The following DNAJA3 variants were observed in gnomAD, a reference collection of about 807,000 sequenced individuals.
DNAJA3 encodes the protein DnaJ heat shock protein family (Hsp40) member A3.
A neutral mutation model predicts 54.9 loss-of-function variants in DNAJA3; 29 were observed. The observed-to-expected ratio is 0.53, with a 90% CI of 0.39 to 0.72. The LOEUF (loss-of-function observed/expected upper bound fraction) is 0.72. DNAJA3 is among the 30% of genes least tolerant of loss of function. The probability of loss-of-function intolerance (pLI) is 0.00; values close to 1 mark genes in which losing one functional copy is unlikely to be tolerated. For missense variants in DNAJA3, 708 were observed against 639.4 expected (o/e 1.11, Z -1.16); for synonymous variants, 302 against 251.4 (o/e 1.20, Z -1.90).
In DNAJA3 at chr16:4,454,945, GT is replaced by G. The variant is rs760959702; in HGVS notation, c.*13+26del. 25 of 1,546,432 alleles carry G rather than the reference GT, an allele frequency of 1.6e-5. No homozygotes were observed. Among genetic ancestry groups the G allele is most frequent in the African/African-American group, 1.1e-4 (8 of 73,340 alleles). On this transcript the variant is annotated intron_variant, in intron 11 of 11. Coordinates refer to ENST00000262375, the MANE Select transcript of DNAJA3 (RefSeq NM_005147.6). ...CAGCCGAGGTAGGAAAACCCTGGAG[GT>G]TTTTTTTCCCTTTGTTTTCCTCTGT...
chr16:4,435,165 G>A (rs1332450030), intron 2 of DNAJA3, among the ~76,000 whole-genome samples: 1 of 152,050 alleles, frequency 6.6e-6, no homozygotes, highest in South Asian at 2.1e-4. Flanking sequence ...CTCCCAAAGT[G>A]CTGGGATTAC....
chr16:4,454,970 G>A, intron 11 of DNAJA3, 43 bp downstream of exon 11: 1 of 1,347,582 alleles, frequency 7.4e-7, no homozygotes, highest in Non-Finnish European at 1.1e-6. Flanking sequence ...GTTTTCCTCT[G>A]TGAACTAATC....
chr16:4,436,628 T>C lies in DNAJA3; in HGVS notation c.346-774T>C, dbSNP rs141139104. On this transcript the variant is annotated intron_variant, in intron 2 of 11. Coordinates refer to ENST00000262375, the MANE Select transcript of DNAJA3 (RefSeq NM_005147.6). ...TTGGCTCACTGCAACCTCTGTCTCC[T>C]GGGCTCAAGCAATTCTCCTGCCTCA... is the stretch of plus-strand genomic sequence containing the variant. 8.4e-3 allele frequency among the ~76,000 whole-genome samples: 1,278 copies of C among 151,614 alleles called. 25 individuals carry two copies. Among genetic ancestry groups the C allele is most frequent in the African/African-American group, 0.028 (1,154 of 41,330 alleles).
chr16:4,443,730 A>G (rs61645723), intron 6 of DNAJA3, among the ~76,000 whole-genome samples: 4 of 150,662 alleles, frequency 2.7e-5, no homozygotes, highest in Non-Finnish European at 5.9e-5. Flanking sequence ...TCTGTCACCC[A>G]GGCTGGAGCG....
At chr16:4,435,298 A>G (rs762515037) in intron 2 of DNAJA3, among the ~76,000 whole-genome samples, 55 of 152,196 alleles carry the variant, frequency 3.6e-4, no homozygotes, top group Non-Finnish European at 6.5e-4. Context: ...TGTCTACACC[A>G]CTGGTTCCTA....
chr16:4,438,318 A>G (rs2056797152), intron 3 of DNAJA3, among the ~76,000 whole-genome samples: 1 of 147,664 alleles, frequency 6.8e-6, no homozygotes, highest in Non-Finnish European at 1.5e-5. Context: ...CCCCGTCTCA[A>G]AAAAAAAAAA....
chr16:4,448,223 C>T (rs2056927919), intron 8 of DNAJA3, among the ~76,000 whole-genome samples: 1 of 151,574 alleles, frequency 6.6e-6, no homozygotes, highest in Non-Finnish European at 1.5e-5. Flanking sequence ...GATGGGGTTT[C>T]ACCATGTTGG....
At chr16:4,426,446 G>C (rs1391911329) in intron 1 of DNAJA3, among the ~76,000 whole-genome samples, 2 of 152,200 alleles carry the variant, frequency 1.3e-5, no homozygotes, top group African/African-American at 4.8e-5. Context: ...GCCATTCGGA[G>C]AGGCCTAGGT....
chr16:4,448,967 A>C (rs1320786318), intron 9 of DNAJA3, 119 bp downstream of exon 9: 1 of 698,630 alleles, frequency 1.4e-6, no homozygotes, highest in Admixed American at 2.5e-5. Flanking sequence ...TGCCCGAGTT[A>C]TCTGTCTGTA....
intron 1 of DNAJA3, among the ~76,000 whole-genome samples, chr16:4,429,867 A>G (rs2056673816): frequency 6.6e-6 from 1 of 151,918 alleles, no homozygotes; most frequent in African/African-American, 2.4e-5. Flanking sequence ...TATGGTGGCA[A>G]CTGCCTGTAC....
At chr16:4,435,158 C>T (rs899893532) in intron 2 of DNAJA3, among the ~76,000 whole-genome samples, 1 of 151,964 alleles carries the variant, frequency 6.6e-6, no homozygotes, top group Non-Finnish European at 1.5e-5. Context: ...CCTCAGCCTC[C>T]CAAAGTGCTG....
intron 6 of DNAJA3, 137 bp downstream of exon 6, chr16:4,443,301 TGAGGCCCTGGAGCCCCAGGCTGGAG>T (rs1402025662): frequency 5.3e-6 from 6 of 1,132,512 alleles, no homozygotes; most frequent in Non-Finnish European, 7.3e-6. Flanking sequence ...AAGTTATGGT[TGAGGCCCTGGAGCCCCAGGCTGGAG>T]GAGGAACTGG....
chr16:4,454,552 C>A (rs1454455318), intron 10 of DNAJA3, among the ~76,000 whole-genome samples: 1 of 152,224 alleles, frequency 6.6e-6, no homozygotes, highest in Non-Finnish European at 1.5e-5. Context: ...GTCTCTATTT[C>A]TTGTTTCCCT....
intron 1 of DNAJA3, chr16:4,431,779 T>C (rs970297350): frequency 6.6e-6 from 1 of 152,162 alleles, no homozygotes; most frequent in Non-Finnish European, 1.5e-5. Flanking sequence ...GATTTCACCA[T>C]GTTGGCCAGC....
At chr16:4,441,705 A>C in intron 4 of DNAJA3, 130 bp downstream of exon 4, 1 of 828,278 alleles carries the variant, frequency 1.2e-6, no homozygotes, top group South Asian at 1.8e-5. Context: ...CAGCCATTTT[A>C]GTAGAAAATA....
chr16:4,441,017 A>G (rs1315832699), intron 3 of DNAJA3: 4 of 287,320 alleles, frequency 1.4e-5, no homozygotes, highest in African/African-American at 2.2e-5. Context: ...GGTAGGAAGC[A>G]TAAATTCTCT....
intron 1 of DNAJA3, among the ~76,000 whole-genome samples, chr16:4,427,665 G>T (rs571505986): frequency 6.6e-6 from 1 of 152,282 alleles, no homozygotes; most frequent in African/African-American, 2.4e-5. Context: ...TTAAGAGAAT[G>T]ATTATTTATG....
intron 10 of DNAJA3, among the ~76,000 whole-genome samples, chr16:4,450,973 G>A (rs140694596): frequency 9.2e-5 from 14 of 152,336 alleles, no homozygotes; most frequent in East Asian, 1.9e-4. Context: ...AGCAGACTCC[G>A]TCCGCCGCTT....
At chr16:4,427,755 A>T (rs1347485804) in intron 1 of DNAJA3, among the ~76,000 whole-genome samples, 1 of 151,852 alleles carries the variant, frequency 6.6e-6, no homozygotes, top group Non-Finnish European at 1.5e-5. Flanking sequence ...TGCAACCTTG[A>T]CCTCCCAGGT....
Sources: allele counts gnomAD v4.1 joint callset (sites outside exome capture counted in the v4.1 genomes callset), GRCh38; gene constraint gnomAD v4.1.1; transcripts MANE v1.5; gene names NCBI Gene and HGNC (gene_info 2026-07-23, HGNC 2026-07-21).